The following DAPK1 variants were observed in gnomAD, a reference collection of about 807,000 sequenced individuals.
DAPK1 encodes the protein death-associated protein kinase 1.
In DAPK1, 56 loss-of-function variants were observed where a neutral mutation model predicts 144.9. The observed-to-expected ratio is 0.39, with a 90% confidence interval of 0.31 to 0.48. The LOEUF is 0.48. DAPK1 is among the 20% of genes least tolerant of loss of function. The probability of loss-of-function intolerance (pLI) is 0.95; values close to 1 mark genes in which losing one functional copy is unlikely to be tolerated. For missense variants in DAPK1, 1,454 were observed against 1,875.4 expected, an observed-to-expected ratio of 0.78 and a Z score of 4.15; for synonymous variants, 690 against 749.0, an observed-to-expected ratio of 0.92 and a Z score of 1.29.
At chr9:87,510,887 A>G (rs2118108015) in intron 2 of DAPK1, among the ~76,000 whole-genome samples, 1 of 152,330 alleles carries the variant, frequency 6.6e-6, no homozygotes, top group South Asian at 2.1e-4. Context: ...GGTGGTTGTG[A>G]GGATGTCTGT....
chr9:87,503,504 G>T (rs1172381218), intron 2 of DAPK1, among the ~76,000 whole-genome samples: 1 of 152,082 alleles, frequency 6.6e-6, no homozygotes, highest in Non-Finnish European at 1.5e-5. Context: ...CATAGTAACT[G>T]CTTATTTGAT....
chr9:87,571,933 G>A (rs1827377033), intron 2 of DAPK1, among the ~76,000 whole-genome samples: 1 of 152,194 alleles, frequency 6.6e-6, no homozygotes, highest in Admixed American at 6.5e-5. Flanking sequence ...TGGAGTCCCA[G>A]GGATCTTCCT....
chr9:87,566,606 G>T (rs1269489518), intron 2 of DAPK1, among the ~76,000 whole-genome samples: 1 of 152,164 alleles, frequency 6.6e-6, no homozygotes, highest in Non-Finnish European at 1.5e-5. Flanking sequence ...ATAAGGTGAG[G>T]AGAATCAATT....
intron 1 of DAPK1, among the ~76,000 whole-genome samples, 174 bp from the exon 2 acceptor site, chr9:87,498,796 C>CG (rs1462155824): frequency 6.6e-6 from 1 of 151,924 alleles, no homozygotes; most frequent in Non-Finnish European, 1.5e-5. Context: ...GCTGAGGGGT[C>CG]GGGGGCGTCC....
intron 3 of DAPK1, among the ~76,000 whole-genome samples, chr9:87,612,537 T>G (rs1828965858): frequency 6.6e-6 from 1 of 152,204 alleles, no homozygotes; most frequent in Non-Finnish European, 1.5e-5. Context: ...GATAGCAGGT[T>G]GTTGTTTTAA....
chr9:87,669,565 CA>C (rs1831184317), intron 19 of DAPK1, among the ~76,000 whole-genome samples: 1 of 151,712 alleles, frequency 6.6e-6, no homozygotes, highest in Non-Finnish European at 1.5e-5. Context: ...TTAAAAACCA[CA>C]AACTATCTAG....
intron 2 of DAPK1, among the ~76,000 whole-genome samples, chr9:87,540,806 C>G (rs1338103507): frequency 6.6e-6 from 1 of 152,132 alleles, no homozygotes; most frequent in Non-Finnish European, 1.5e-5. Context: ...CTTAAGGGAA[C>G]CTGCATCTAA....
chr9:87,594,168 G>T (rs1828237097), intron 2 of DAPK1, among the ~76,000 whole-genome samples: 1 of 152,186 alleles, frequency 6.6e-6, no homozygotes, highest in Non-Finnish European at 1.5e-5. Flanking sequence ...GAGTGTTGTT[G>T]TTTGTTTTGT....
At chr9:87,529,314 T>C (rs1563977177) in intron 2 of DAPK1, among the ~76,000 whole-genome samples, 1 of 152,210 alleles carries the variant, frequency 6.6e-6, no homozygotes, top group Non-Finnish European at 1.5e-5. Context: ...TCGAATTCTT[T>C]CTTTTGAGGA....
At chr9:87,622,543 A>G (rs1260443876) in intron 3 of DAPK1, among the ~76,000 whole-genome samples, 1 of 152,136 alleles carries the variant, frequency 6.6e-6, no homozygotes, top group African/African-American at 2.4e-5. Flanking sequence ...GAGAGGAAAA[A>G]AAAAGATTGC....
intron 19 of DAPK1, among the ~76,000 whole-genome samples, chr9:87,671,068 C>T (rs1448384310): frequency 1.3e-5 from 2 of 152,196 alleles, no homozygotes; most frequent in Non-Finnish European, 2.9e-5. Flanking sequence ...CGGGGATGGT[C>T]GGATCGGTGG....
chr9:87,561,936 T>C (rs189149029), intron 2 of DAPK1, among the ~76,000 whole-genome samples: 2 of 152,264 alleles, frequency 1.3e-5, no homozygotes, highest in African/African-American at 4.8e-5. Context: ...GGGGGTGCAC[T>C]CCAGCTTTAC....
At chr9:87,656,117 G>A (rs1830617701) in intron 17 of DAPK1, among the ~76,000 whole-genome samples, 1 of 152,218 alleles carries the variant, frequency 6.6e-6, no homozygotes, top group Non-Finnish European at 1.5e-5. Flanking sequence ...GCTTTTCAGA[G>A]TTGATCACTT....
At chr9:87,660,104 C>T (rs990073423) in intron 18 of DAPK1, among the ~76,000 whole-genome samples, 8 of 152,162 alleles carry the variant, frequency 5.3e-5, no homozygotes, top group Admixed American at 1.3e-4. Flanking sequence ...CCGGGAGGAT[C>T]TCCCTGCCCT....
At chr9:87,628,192 A>G (rs1205958005) in intron 3 of DAPK1, among the ~76,000 whole-genome samples, 3 of 152,178 alleles carry the variant, frequency 2.0e-5, no homozygotes, top group East Asian at 1.9e-4. Context: ...ATGCTGTTCT[A>G]TGAGAATCCA....
intron 1 of DAPK1, chr9:87,498,621 C>T: frequency 3.1e-6 from 1 of 318,488 alleles, no homozygotes; most frequent in Non-Finnish European, 5.7e-6. Context: ...TTCATTCTTC[C>T]GCGGCGTCCC....
intron 2 of DAPK1, among the ~76,000 whole-genome samples, chr9:87,548,888 A>T (rs1055034992): frequency 2.3e-5 from 3 of 132,326 alleles, no homozygotes; most frequent in Non-Finnish European, 4.7e-5. Context: ...TTGGTAATTC[A>T]CCACCCACTG....
chr9:87,623,627 G>A (rs1587780975), intron 3 of DAPK1, among the ~76,000 whole-genome samples: 1 of 152,178 alleles, frequency 6.6e-6, no homozygotes, highest in Non-Finnish European at 1.5e-5. Flanking sequence ...CAGTGGTGAC[G>A]CTATGGGCTA....
chr9:87,658,341 A>G (rs1473114088), intron 18 of DAPK1, among the ~76,000 whole-genome samples: 1 of 151,990 alleles, frequency 6.6e-6, no homozygotes, highest in Non-Finnish European at 1.5e-5. Context: ...ATCTCACCAC[A>G]CCCTGCTCTG....
Sources: gnomAD v4.1 joint callset for allele counts (sites outside exome capture counted in the v4.1 genomes callset) on GRCh38, gnomAD v4.1.1 for gene constraint, MANE v1.5 for transcripts, NCBI Gene and HGNC (gene_info 2026-07-23, HGNC 2026-07-21) for gene names.